CFAP161: variants seen among roughly 807,000 people sequenced by gnomAD.
CFAP161 encodes cilia- and flagella-associated protein 161.
CFAP161 carries 25 observed loss-of-function variants against 29.0 expected under a neutral mutation model. The ratio of observed to expected loss-of-function variants is 0.86; its 90% CI spans 0.63 to 1.20. CFAP161 has a LOEUF of 1.20. CFAP161 is among the 50% of genes most tolerant of loss of function. The pLI is 0.00. For missense variants in CFAP161, 367 were observed against 371.9 expected, an observed-to-expected ratio of 0.99 and a Z score of 0.11; for synonymous variants, 116 against 137.4, an observed-to-expected ratio of 0.84 and a Z score of 1.09.
chr15:81,100,644 C>A (rs1289144542), intron 1 of CFAP161, among the ~76,000 whole-genome samples: 1 of 151,866 alleles, frequency 6.6e-6, no homozygotes, highest in Non-Finnish European at 1.5e-5. Context: ...CTTAAGAATT[C>A]TCATTCTTAA....
At chr15:81,127,097 C>T (rs1473423446) in intron 1 of CFAP161, among the ~76,000 whole-genome samples, 1 of 152,122 alleles carries the variant, frequency 6.6e-6, no homozygotes, top group African/African-American at 2.4e-5. Flanking sequence ...TCCCAGAAAA[C>T]CTGGCATGCC....
intron 1 of CFAP161, among the ~76,000 whole-genome samples, chr15:81,122,580 C>T (rs1894588523): frequency 6.6e-6 from 1 of 151,174 alleles, no homozygotes; most frequent in Non-Finnish European, 1.5e-5. Context: ...CAACCTCTGC[C>T]TGCCAGGTTC....
At chr15:81,116,650 A>T (rs1201296687) in intron 1 of CFAP161, among the ~76,000 whole-genome samples, 1 of 152,156 alleles carries the variant, frequency 6.6e-6, no homozygotes, top group Non-Finnish European at 1.5e-5. Flanking sequence ...GAAAACATCA[A>T]CTTTTTCCCC....
At chr15:81,113,372 T>TA (rs1293622069) in intron 1 of CFAP161, among the ~76,000 whole-genome samples, 9 of 152,168 alleles carry the variant, frequency 5.9e-5, no homozygotes, top group Non-Finnish European at 7.3e-5. Context: ...GTCCAACAAT[T>TA]AAATTCCACT....
upstream of CFAP161, among the ~76,000 whole-genome samples, chr15:81,133,221 ATATGTATTTTTT>A (rs1894745367): frequency 6.2e-5 from 2 of 32,490 alleles, no homozygotes; most frequent in South Asian, 6.7e-4. Context: ...ATATATATAT[ATATGTATTTTTT>A]TTTAAATTGG....
chr15:81,100,866 G>A (rs941438089), intron 1 of CFAP161, among the ~76,000 whole-genome samples: 1 of 152,008 alleles, frequency 6.6e-6, no homozygotes, highest in Non-Finnish European at 1.5e-5. Flanking sequence ...TCATCCTTTG[G>A]TCCTCACTGG....
intron 1 of CFAP161, among the ~76,000 whole-genome samples, chr15:81,113,041 A>G (rs368900279): frequency 1.4e-4 from 21 of 152,382 alleles, no homozygotes; most frequent in African/African-American, 4.8e-4. Flanking sequence ...TGAATATTTT[A>G]TGATAAAAAG....
chr15:81,143,828 C>T lies in CFAP161; in HGVS notation c.636+8C>T. On this transcript the variant is annotated splice_region_variant and intron_variant, in intron 5 of 6. Transcript: ENST00000286732. Reference sequence around the variant, plus strand: ...GAAGGCTTCCCCGTCCCGGTGAGTGCAGCATCGGGAAGACATGGGTGTCTA... The same window carrying T: ...GAAGGCTTCCCCGTCCCGGTGAGTGTAGCATCGGGAAGACATGGGTGTCTA... The T allele has an allele frequency of 6.2e-7, 1 of 1,611,122 alleles. No homozygotes were observed. The highest frequency in any genetic ancestry group is 8.5e-7 in the Non-Finnish European group (1 of 1,177,862).
chr15:81,143,918 T>C, intron 5 of CFAP161, 98 bp downstream of exon 5: 1 of 1,314,396 alleles, frequency 7.6e-7, no homozygotes, highest in Non-Finnish European at 1.0e-6. Context: ...AAATGCCTTA[T>C]GACTTTCTCT....
chr15:81,148,284 T>G lies in CFAP161; in HGVS notation c.711-54T>G, dbSNP rs1054933820. 6.0e-6 allele frequency: 9 copies of G among 1,490,574 alleles called. No homozygotes were observed. The South Asian group carries it at 8.3e-5, about 14-fold the overall frequency. 92.3% of individuals were successfully genotyped at this position (1,490,574 alleles called of 1,614,324 possible). A position where few individuals can be genotyped will look rare whatever the true frequency, so the allele number is the denominator to read the frequency against. On this transcript the variant is annotated intron_variant, in intron 6 of 6. Transcript: ENST00000286732. ...TCGAGATTAAATTATTAATAACAGC[T>G]TATTGAGAGTTGTTATTCAATTTCA...
upstream of CFAP161, among the ~76,000 whole-genome samples, chr15:81,133,919 T>A (rs970211984): frequency 6.6e-6 from 1 of 150,716 alleles, no homozygotes; most frequent in African/African-American, 2.4e-5. Context: ...CTGCTGCTGC[T>A]GCTGCTGATT....
Position 81,134,342 on chromosome 15 carries a change from G to T in CFAP161, c.13G>T (p.Val5Leu). 1 of 1,589,782 alleles carries T rather than the reference G, an allele frequency of 6.3e-7. No individual in the cohort carries two copies. Among genetic ancestry groups the T allele is most frequent in the South Asian group, 1.2e-5 (1 of 86,596 alleles). Residue 5 changes from valine to leucine, a missense_variant, in exon 1 of 7, where the codon GTG becomes TTG. Transcript: ENST00000286732. Reference sequence around the variant, plus strand: ...ACAGCAGGGAGCGATGGCGCAGAACGTGTATGGTCCGGGAGTCCGGATAGG... The same window carrying T: ...ACAGCAGGGAGCGATGGCGCAGAACTTGTATGGTCCGGGAGTCCGGATAGG... MAQN[V>L]YGPGVRIGNW...
intron 1 of CFAP161, among the ~76,000 whole-genome samples, chr15:81,117,392 A>T (rs1894512094): frequency 6.6e-6 from 1 of 152,170 alleles, no homozygotes; most frequent in Admixed American, 6.5e-5. Context: ...TCACACAAAA[A>T]GCTAACAATG....
intron 1 of CFAP161, among the ~76,000 whole-genome samples, chr15:81,113,460 A>G (rs1318028796): frequency 6.6e-6 from 1 of 152,214 alleles, no homozygotes; most frequent in Non-Finnish European, 1.5e-5. Flanking sequence ...CCTTCACTTC[A>G]GATGCCAAGT....
At chr15:81,106,771 G>C (rs779573639) in intron 1 of CFAP161, among the ~76,000 whole-genome samples, 2 of 152,142 alleles carry the variant, frequency 1.3e-5, no homozygotes, top group Non-Finnish European at 2.9e-5. Context: ...TTGAGCATGA[G>C]AAACAGCCCA....
intron 1 of CFAP161, among the ~76,000 whole-genome samples, chr15:81,102,135 A>T (rs1894310974): frequency 6.6e-6 from 1 of 152,236 alleles, no homozygotes; most frequent in South Asian, 2.1e-4. Context: ...GGTGCCAAGT[A>T]GTGCAAATTT....
Position 81,143,807 on chromosome 15 carries a change from G to A in CFAP161, c.623G>A (p.Gly208Asp). 6.2e-7 allele frequency: 1 copy of A among 1,614,076 alleles called. No homozygotes were observed. Among genetic ancestry groups the A allele is most frequent in the Non-Finnish European group, 8.5e-7 (1 of 1,179,972 alleles). The stretch of plus-strand genomic sequence containing the variant: ...CCCCAGTTACGCCTGGAATATGAAG[G>A]CTTCCCCGTCCCGGTGAGTGCAGCA... ...PDPQLRLEYE[G>D]FPVPANAKIL... Residue 208 changes from glycine (G) to aspartate (D), a missense_variant, in exon 5 of 7, where the codon GGC becomes GAC. Gly to Asp is a moderately conservative substitution (Grantham distance 94, BLOSUM62 -1). Transcript: ENST00000286732.
At chr15:81,117,401 T>G (rs1055451847) in intron 1 of CFAP161, among the ~76,000 whole-genome samples, 5 of 152,096 alleles carry the variant, frequency 3.3e-5, no homozygotes. Context: ...AAGCTAACAA[T>G]GCTTACAATT....
chr15:81,119,354 A>G (rs1444464934), intron 1 of CFAP161, among the ~76,000 whole-genome samples: 1 of 152,142 alleles, frequency 6.6e-6, no homozygotes, highest in African/African-American at 2.4e-5. Flanking sequence ...GACTTTTATA[A>G]ATTTTTATAA....
Sources: allele counts gnomAD v4.1 joint callset (sites outside exome capture counted in the v4.1 genomes callset), GRCh38; gene constraint gnomAD v4.1.1; transcripts MANE v1.5; gene names NCBI Gene and HGNC (gene_info 2026-07-23, HGNC 2026-07-21).